Variants in EPS15 observed in about 807,000 individuals in gnomAD.
The protein encoded by EPS15 is epidermal growth factor receptor pathway substrate 15, also known as epidermal growth factor receptor substrate 15.
Under a neutral mutation model 113.8 loss-of-function variants are expected in EPS15, and 72 were observed. The ratio of observed to expected loss-of-function variants is 0.63; its 90% confidence interval spans 0.52 to 0.77. The LOEUF (loss-of-function observed/expected upper bound fraction) is 0.77, where lower values mean the gene tolerates loss of function less well. Ranked by LOEUF, EPS15 falls within the 30% of genes least tolerant of loss-of-function variation. The pLI is 0.00. For missense variants in EPS15, 1,048 were observed against 1,045.8 expected, an observed-to-expected ratio of 1.00 and a Z score of -0.03; for synonymous variants, 344 against 363.4, an observed-to-expected ratio of 0.95 and a Z score of 0.61.
At chr1:51,480,086 T>G (rs1643992118) in intron 2 of EPS15, among the ~76,000 whole-genome samples, 1 of 152,258 alleles carries the variant, frequency 6.6e-6, no homozygotes, top group Non-Finnish European at 1.5e-5. Context: ...CTTGATATTT[T>G]TCAGGCAGAA....
intron 21 of EPS15, among the ~76,000 whole-genome samples, chr1:51,392,145 A>G (rs546247440): frequency 1.1e-4 from 16 of 152,216 alleles, no homozygotes; most frequent in Non-Finnish European, 2.1e-4. Flanking sequence ...GATTAAAGAA[A>G]GAATGACCAA....
At chr1:51,386,180 T>C (rs1647066780) in intron 21 of EPS15, among the ~76,000 whole-genome samples, 1 of 152,224 alleles carries the variant, frequency 6.6e-6, no homozygotes, top group Non-Finnish European at 1.5e-5. Context: ...CCCAGGCATA[T>C]TTTCAGGTTC....
chr1:51,370,462 T>C (rs1423854147), intron 21 of EPS15, among the ~76,000 whole-genome samples: 2 of 152,154 alleles, frequency 1.3e-5, no homozygotes, highest in African/African-American at 4.8e-5. Context: ...GAGCATCATA[T>C]CAGTGCTCAA....
chr1:51,480,976 A>T (rs1644010451), intron 2 of EPS15, among the ~76,000 whole-genome samples: 1 of 152,206 alleles, frequency 6.6e-6, no homozygotes, highest in Non-Finnish European at 1.5e-5. Flanking sequence ...AACAACATAG[A>T]AGTTATTTGT....
At chr1:51,358,708 T>G (rs891661319) in intron 24 of EPS15, among the ~76,000 whole-genome samples, 1 of 142,804 alleles carries the variant, frequency 7.0e-6, no homozygotes, top group Non-Finnish European at 1.6e-5. Flanking sequence ...TGTTTTTTTT[T>G]GTTTTTTTTT....
intron 18 of EPS15, 182 bp from the exon 19 acceptor site, chr1:51,401,135 G>C: frequency 4.4e-6 from 2 of 450,236 alleles, no homozygotes; most frequent in East Asian, 3.6e-5. Flanking sequence ...TACTTACCTT[G>C]ATCACAAGTT....
At chr1:51,417,449 A>T (rs539874130) in intron 13 of EPS15, among the ~76,000 whole-genome samples, 62 of 152,326 alleles carry the variant, frequency 4.1e-4, no homozygotes, top group Non-Finnish European at 6.5e-4. Context: ...ATTTACCTCC[A>T]TCTAACAATA....
At chr1:51,438,506 C>A (rs1311908324) in intron 12 of EPS15, among the ~76,000 whole-genome samples, 10 of 152,084 alleles carry the variant, frequency 6.6e-5, no homozygotes, top group Admixed American at 6.5e-4. Flanking sequence ...ATATTTTATA[C>A]ATTAAACAAG....
chr1:51,374,683 T>C (rs1471062838), intron 21 of EPS15, among the ~76,000 whole-genome samples: 3 of 152,314 alleles, frequency 2.0e-5, no homozygotes, highest in African/African-American at 7.2e-5. Context: ...CAGTCTGCAA[T>C]GTGTCTATTC....
intron 21 of EPS15, among the ~76,000 whole-genome samples, chr1:51,377,895 CT>C (rs1209383457): frequency 0.058 from 7,891 of 136,388 alleles, 589 homozygotes; most frequent in African/African-American, 0.19. Flanking sequence ...TAATCATTAG[CT>C]TTTTTTTTTT....
chr1:51,422,618 G>A lies in EPS15; in HGVS notation c.1041-760C>T, dbSNP rs60457188. On this transcript the variant is annotated intron_variant, in intron 12 of 24. Transcript: ENST00000371733. ...TAATCAGGCCTGAGTGGCTATGAAC[G>A]AATCCCAAGCAACCTTAGATTCAGA... is the stretch of plus-strand genomic sequence containing the variant. 7.5e-3 allele frequency among the ~76,000 whole-genome samples: 1,140 copies of A among 152,322 alleles called. 13 individuals are homozygous for A. Among genetic ancestry groups the A allele is most frequent in the African/African-American group, 0.026 (1,094 of 41,558 alleles).
chr1:51,503,239 T>C (rs1644443205), intron 1 of EPS15, among the ~76,000 whole-genome samples: 1 of 152,330 alleles, frequency 6.6e-6, no homozygotes, highest in South Asian at 2.1e-4. Flanking sequence ...ATGCAATTTA[T>C]ATGAGAATTC....
At chr1:51,375,014 T>G (rs1177950122) in intron 21 of EPS15, among the ~76,000 whole-genome samples, 2 of 143,578 alleles carry the variant, frequency 1.4e-5, no homozygotes, top group Non-Finnish European at 3.0e-5. Context: ...TTTTTTTTTT[T>G]TTTTTGAGAT....
chr1:51,371,366 T>C (rs1251471749), intron 21 of EPS15, among the ~76,000 whole-genome samples: 1 of 152,206 alleles, frequency 6.6e-6, no homozygotes, highest in Non-Finnish European at 1.5e-5. Flanking sequence ...CCAAAGACCT[T>C]CCAGGGGGAC....
chr1:51,446,610 T>C (rs546139368), intron 10 of EPS15, among the ~76,000 whole-genome samples: 7 of 152,084 alleles, frequency 4.6e-5, no homozygotes, highest in South Asian at 4.2e-4. Flanking sequence ...CACACCACCA[T>C]GTCTGGCTAA....
chr1:51,467,040 T>C (rs1654890448), intron 5 of EPS15, among the ~76,000 whole-genome samples: 1 of 152,128 alleles, frequency 6.6e-6, no homozygotes. Context: ...AATGTAAACA[T>C]AAGAAAAGCT....
chr1:51,461,414 A>G (rs1654434921), intron 7 of EPS15, among the ~76,000 whole-genome samples: 3 of 151,620 alleles, frequency 2.0e-5, no homozygotes, highest in African/African-American at 7.3e-5. Context: ...CAAGCTACTC[A>G]GGAGGCTGAG....
chr1:51,444,779 C>G, intron 11 of EPS15, 110 bp downstream of exon 11: 1 of 1,115,978 alleles, frequency 9.0e-7, no homozygotes, highest in Non-Finnish European at 1.3e-6. Context: ...CTGTTCTGCT[C>G]TTAGCCAGAT....
At chr1:51,485,831 CTT>C (rs774695125) in intron 1 of EPS15, among the ~76,000 whole-genome samples, 2 of 152,092 alleles carry the variant, frequency 1.3e-5, no homozygotes, top group Non-Finnish European at 1.5e-5. Flanking sequence ...GGAGTTCGCT[CTT>C]GTCGCCCAGG....
Sources: gnomAD v4.1 joint callset for allele counts (sites outside exome capture counted in the v4.1 genomes callset) on GRCh38, gnomAD v4.1.1 for gene constraint, MANE v1.5 for transcripts, NCBI Gene and HGNC (gene_info 2026-07-23, HGNC 2026-07-21) for gene names.